Variants in ACO1 observed in about 807,000 individuals in gnomAD.
The protein encoded by ACO1 is aconitase 1.
A neutral mutation model predicts 105.1 loss-of-function variants in ACO1; 78 were observed. The ratio of observed to expected loss-of-function variants is 0.74; its 90% CI spans 0.62 to 0.90. The LOEUF (loss-of-function observed/expected upper bound fraction) is 0.90, where lower values mean the gene tolerates loss of function less well. ACO1 is among the 40% of genes least tolerant of loss of function. The pLI, the probability that ACO1 is intolerant of heterozygous loss-of-function variation, is 0.00. For missense variants in ACO1, 965 were observed against 1,111.1 expected (o/e 0.87, Z 1.87); for synonymous variants, 364 against 397.4 (o/e 0.92, Z 1.00).
chr9:32,402,996 C>A (rs1821530011), intron 1 of ACO1, among the ~76,000 whole-genome samples: 1 of 152,094 alleles, frequency 6.6e-6, no homozygotes, highest in South Asian at 2.1e-4. Flanking sequence ...TCTTGGGGCC[C>A]CCTGGAAAGA....
At chr9:32,429,284 A>G in intron 12 of ACO1, 135 bp from the exon 13 acceptor site, 1 of 623,714 alleles carries the variant, frequency 1.6e-6, no homozygotes, top group Admixed American at 3.3e-5. Context: ...ACTTTTAGAA[A>G]TAGCACTATA....
chr9:32,420,813 G>C, intron 7 of ACO1, 43 bp from the exon 8 acceptor site: 1 of 1,592,342 alleles, frequency 6.3e-7, no homozygotes. Flanking sequence ...TTTTGAATGT[G>C]GGCCATCAGA....
chr9:32,431,696 A>G, intron 14 of ACO1, 23 bp from the exon 15 acceptor site: 6 of 1,613,370 alleles, frequency 3.7e-6, no homozygotes, highest in Admixed American at 1.7e-5. Flanking sequence ...AAGTTTTCTC[A>G]TTAATAAACA....
intron 17 of ACO1, chr9:32,436,041 T>C (rs755918006): frequency 7.2e-6 from 5 of 695,910 alleles, no homozygotes; most frequent in African/African-American, 7.0e-5. Context: ...TACTGACTTA[T>C]GCCTCTCACC....
At chr9:32,437,378 G>A (rs1203701864) in intron 18 of ACO1, among the ~76,000 whole-genome samples, 1 of 152,072 alleles carries the variant, frequency 6.6e-6, no homozygotes, top group African/African-American at 2.4e-5. Flanking sequence ...TGCCTCACTC[G>A]TAACTGATTA....
At chr9:32,398,299 C>T (rs1268214191) in intron 1 of ACO1, among the ~76,000 whole-genome samples, 3 of 152,180 alleles carry the variant, frequency 2.0e-5, no homozygotes, top group Non-Finnish European at 4.4e-5. Flanking sequence ...TGATCCTTGG[C>T]ATTTAGCTTA....
Position 32,423,437 on chromosome 9 carries a change from A to G in ACO1, c.1071+18A>G. On this transcript the variant is annotated intron_variant, in intron 9 of 20. Coordinates refer to ENST00000309951, the MANE Select transcript of ACO1 (RefSeq NM_002197.3). ...TCACCCAGGTATGAGAGTGCCTTCC[A>G]CTGTGCATGTATTTCCTCTTCCTCA... 6.7e-7 allele frequency: 1 copy of G among 1,500,232 alleles called. No individual in the cohort carries two copies. Among genetic ancestry groups the G allele is most frequent in the East Asian group, 2.3e-5 (1 of 43,054 alleles). 92.9% of individuals were successfully genotyped at this position (1,500,232 alleles called of 1,614,324 possible).
Position 32,438,525 on chromosome 9 carries a change from A to C in ACO1, c.2248-1940A>C, listed in dbSNP as rs530754038. 3.9e-5 allele frequency among the ~76,000 whole-genome samples: 6 copies of C among 152,342 alleles called. No individual in the cohort carries two copies. In the South Asian group the frequency reaches 1.2e-3, roughly 32 times the overall value. On this transcript the variant is annotated intron_variant, in intron 18 of 20. Coordinates refer to ENST00000309951, the MANE Select transcript of ACO1 (RefSeq NM_002197.3). The stretch of plus-strand genomic sequence containing the variant: ...ATAGCTCCATGACAGAGATTTTAAA[A>C]TGGTAAATTGCCTGATGTGTCTGAA...
rs182835980 is a variant in ACO1 at position 32,439,870 on chromosome 9, C to T, written c.2248-595C>T. ...GTCAATGGAAAAGAAAAAATCTGAT[C>T]TAGTTTCCTTTTCTCCCCTGATGCC... On this transcript the variant is annotated intron_variant, in intron 18 of 20. Transcript: ENST00000309951. This position sits in a 1 kb window ranked among gnomAD's most constrained non-coding sequence, Gnocchi z 4.0. Among the ~76,000 whole-genome samples, 1 of 152,310 alleles carries T rather than the reference C, an allele frequency of 6.6e-6. No homozygotes were observed. Among genetic ancestry groups the T allele is most frequent in the East Asian group, 1.9e-4 (1 of 5,194 alleles).
chr9:32,386,466 T>C (rs1821158655), intron 1 of ACO1: 1 of 152,218 alleles, frequency 6.6e-6, no homozygotes, highest in African/African-American at 2.4e-5. Context: ...CGGGACTCTT[T>C]CCTTAGCTTC....
intron 1 of ACO1, among the ~76,000 whole-genome samples, chr9:32,401,021 A>C (rs1340064003): frequency 2.0e-5 from 3 of 151,504 alleles, no homozygotes; most frequent in Non-Finnish European, 4.4e-5. Context: ...TAAAATTCTC[A>C]TATCATTTAA....
rs1194242287 is a variant in ACO1 at position 32,450,795 on chromosome 9, C to CATT, written c.*685_*687dup. On this transcript the variant is annotated 3_prime_UTR_variant, in exon 21 of 21. Transcript: ENST00000309951. ...TGTTGGGAGGCGGTTTGGGAGAACA[C>CATT]ATTTCTAATTTGAATGAAATGAAAT... 1 of 152,086 alleles carries CATT rather than the reference C, an allele frequency of 6.6e-6. No individual in the cohort carries two copies. The highest frequency in any genetic ancestry group is 2.4e-5 in the African/African-American group (1 of 41,364). The allele number at this position is 152,086 out of a possible 1,614,324, so 9.4% of individuals were successfully genotyped here. A position where few individuals can be genotyped will look rare whatever the true frequency, so the allele number is the denominator to read the frequency against.
chr9:32,398,395 G>C (rs1027656441), intron 1 of ACO1, among the ~76,000 whole-genome samples: 1 of 152,156 alleles, frequency 6.6e-6, no homozygotes, highest in African/African-American at 2.4e-5. Context: ...GAATGCTACT[G>C]TTGAATCACT....
intron 18 of ACO1, among the ~76,000 whole-genome samples, chr9:32,438,113 C>A (rs1822403357): frequency 6.6e-6 from 1 of 152,256 alleles, no homozygotes; most frequent in South Asian, 2.1e-4. Context: ...AAGGAGAAAT[C>A]TCAACATTTC....
intron 1 of ACO1, among the ~76,000 whole-genome samples, chr9:32,390,907 TC>T (rs1216815983): frequency 1.3e-5 from 2 of 151,752 alleles, no homozygotes; most frequent in African/African-American, 4.8e-5. Context: ...TCCCCTCACC[TC>T]CCCCCACCAG....
intron 7 of ACO1, among the ~76,000 whole-genome samples, chr9:32,419,447 A>G (rs1376764282): frequency 6.6e-6 from 1 of 152,278 alleles, no homozygotes; most frequent in African/African-American, 2.4e-5. Context: ...AGAAATTAAG[A>G]TGGCATTCAT....
At position 32,418,432 on chromosome 9, in the gene ACO1, T is replaced by G. The variant is rs749679991; in HGVS notation, c.579T>G (p.Asp193Glu). 2 of 1,614,196 alleles carry G rather than the reference T, an allele frequency of 1.2e-6. No homozygotes were observed. The highest frequency in any genetic ancestry group is 3.3e-5 in the Admixed American group (2 of 60,030). ...EYLARVVFDQ[D>E]GYYYPDSLVG... is the part of the protein sequence containing the mutation. ...TGGCAAGAGTGGTATTTGATCAGGATGGATATTATTACCCAGACAGCCTCG... is the reference window on the plus strand; with the variant it reads ...TGGCAAGAGTGGTATTTGATCAGGAGGGATATTATTACCCAGACAGCCTCG... Residue 193 changes from aspartate (D) to glutamate (E), a missense_variant, in exon 6 of 21, where the codon GAT (aspartate) becomes GAG (glutamate). Physicochemically the swap from Asp to Glu is conservative, Grantham distance 45 (BLOSUM62 2). Coordinates refer to ENST00000309951, the MANE Select transcript of ACO1 (RefSeq NM_002197.3).
chr9:32,427,750 T>G lies in ACO1; in HGVS notation c.1484+314T>G, dbSNP rs143515902. 9.2e-3 allele frequency among the ~76,000 whole-genome samples: 1,406 copies of G among 152,282 alleles called. 26 individuals are homozygous for G. Among genetic ancestry groups the G allele is most frequent in the African/African-American group, 0.032 (1,342 of 41,570 alleles). On this transcript the variant is annotated intron_variant, in intron 12 of 20. Coordinates refer to ENST00000309951, the MANE Select transcript of ACO1 (RefSeq NM_002197.3). ...GTTGACTTTATAAACACTGGACACT[T>G]AGGCCACACTAACTTAATAAAAAAA...
rs1404649986 is a variant in ACO1 at position 32,449,159 on chromosome 9, T to C, written c.2556+78T>C. 6 of 1,429,214 alleles carry C rather than the reference T, an allele frequency of 4.2e-6. No homozygotes were observed. In the African/African-American group the frequency reaches 7.1e-5, roughly 17 times the overall value. The allele number at this position is 1,429,214 out of a possible 1,614,324, so 88.5% of individuals were successfully genotyped here. On this transcript the variant is annotated intron_variant, in intron 20 of 20. Transcript: ENST00000309951. ...GTAACCAGTCTTGTTAGAAGGAAAT[T>C]AGTGAGGTTTAGAAGGCAAAAAATA... is the stretch of plus-strand genomic sequence containing the variant.
Sources: allele counts gnomAD v4.1 joint callset (sites outside exome capture counted in the v4.1 genomes callset), GRCh38; gene constraint gnomAD v4.1.1; non-coding constraint Gnocchi (gnomAD v3.1); transcripts MANE v1.5; gene names NCBI Gene and HGNC (gene_info 2026-07-23, HGNC 2026-07-21).